The following FRMPD4 variants were observed in gnomAD, a reference collection of about 807,000 sequenced individuals.
FRMPD4 encodes the protein FERM and PDZ domain-containing protein 4.
In FRMPD4, 22 loss-of-function variants were observed where a neutral mutation model predicts 94.1. The observed-to-expected ratio is 0.23, with a 90% CI of 0.17 to 0.33. The LOEUF (loss-of-function observed/expected upper bound fraction) is 0.33, where lower values mean the gene tolerates loss of function less well. Ranked by LOEUF, FRMPD4 falls within the 10% of genes least tolerant of loss-of-function variation. The probability of loss-of-function intolerance (pLI) is 1.00; values close to 1 mark genes in which losing one functional copy is unlikely to be tolerated. For missense variants in FRMPD4, 1,111 were observed against 1,339.9 expected, an observed-to-expected ratio of 0.83 and a Z score of 2.67; for synonymous variants, 631 against 548.6, an observed-to-expected ratio of 1.15 and a Z score of -2.10.
chrX:12,577,786 G>C (rs988514549), intron 2 of FRMPD4, among the ~76,000 whole-genome samples: 49 of 112,311 alleles, frequency 4.4e-4, no homozygotes, highest in African/African-American at 1.5e-3. Flanking sequence ...CCATTGAAAA[G>C]AAAGTTCTAC....
At chrX:12,267,289 A>T (rs760280629) in intron 1 of FRMPD4, among the ~76,000 whole-genome samples, 3 of 112,213 alleles carry the variant, frequency 2.7e-5, no homozygotes, top group Non-Finnish European at 5.6e-5. Context: ...CTTCAAAAGC[A>T]CCTTGTCATT....
Position 11,903,230 on chromosome X carries a change from G to A in FRMPD4, c.95+25212G>A, listed in dbSNP as rs1355050698. Among the ~76,000 whole-genome samples the A allele has an allele frequency of 2.7e-5, 3 of 112,374 alleles. No homozygotes were observed. The East Asian group carries it at 8.3e-4, about 31-fold the overall frequency. On this transcript the variant is annotated intron_variant, in intron 3 of 18. Transcript: ENST00000640291. The stretch of plus-strand genomic sequence containing the variant: ...GTATGTGTTTTTGTGTCAGTATTGA[G>A]CATAGGCTTTAACCCCCAAATGGAA...
At chrX:12,320,684 A>T (rs1372432792) in intron 1 of FRMPD4, among the ~76,000 whole-genome samples, 1 of 111,587 alleles carries the variant, frequency 9.0e-6, no homozygotes, top group Non-Finnish European at 1.9e-5. Flanking sequence ...GGGGCAGGTG[A>T]TAATCAGCAT....
At chrX:11,979,559 T>C (rs1026352593) in intron 3 of FRMPD4, among the ~76,000 whole-genome samples, 4 of 112,304 alleles carry the variant, frequency 3.6e-5, no homozygotes, top group Non-Finnish European at 7.5e-5. Context: ...TTTTTAATTG[T>C]TGCCAATTTA....
intron 1 of FRMPD4, among the ~76,000 whole-genome samples, chrX:12,145,786 A>T (rs762992047): frequency 5.0e-4 from 56 of 111,561 alleles, no homozygotes; most frequent in Non-Finnish European, 9.6e-4. Context: ...CCAGTACTCA[A>T]ATTTCCCTTT....
rs779205450 is a variant in FRMPD4 at position 12,184,257 on chromosome X, G to T, written c.41+45245G>T. Among the ~76,000 whole-genome samples, 5 of 111,107 alleles carry T rather than the reference G, an allele frequency of 4.5e-5. No homozygotes were observed. In the East Asian group the frequency reaches 1.1e-3, roughly 25 times the overall value. ...AATCCTGAACGCCAAACAAATGCATGCATGGAGGAAGCCTTTTGAGAAATA... is the reference window on the plus strand; with the variant it reads ...AATCCTGAACGCCAAACAAATGCATTCATGGAGGAAGCCTTTTGAGAAATA... On this transcript the variant is annotated intron_variant, in intron 1 of 16. Transcript: ENST00000675598.
intron 1 of FRMPD4, among the ~76,000 whole-genome samples, chrX:12,333,237 C>A (rs969840489): frequency 1.8e-5 from 2 of 111,822 alleles, no homozygotes; most frequent in East Asian, 5.6e-4. Context: ...TTATTATGGA[C>A]AGGCAATTAT....
intron 3 of FRMPD4, among the ~76,000 whole-genome samples, chrX:12,036,400 C>A (rs1458295662): frequency 9.0e-6 from 1 of 111,132 alleles, no homozygotes; most frequent in East Asian, 2.8e-4. Flanking sequence ...ATCAGAAAAA[C>A]AAAATTGTTA....
intron 3 of FRMPD4, among the ~76,000 whole-genome samples, chrX:12,073,805 A>G (rs1892040787): frequency 8.9e-6 from 1 of 112,423 alleles, no homozygotes; most frequent in African/African-American, 3.2e-5. Flanking sequence ...CCTGGGCTCA[A>G]ACGATCCTCA....
rs370234603 is a variant in FRMPD4, at chrX:12,084,177, T to TGGGG, written c.95+206167_95+206170dup. On this transcript the variant is annotated intron_variant, in intron 3 of 18. Transcript: ENST00000640291. The stretch of plus-strand genomic sequence containing the variant: ...CTCATGTGTTATGGGAGGGACCCAG[T>TGGGG]GGGGGGGGGGGTAATTGAATCATGG... Among the ~76,000 whole-genome samples, 43 of 53,864 alleles carry TGGGG rather than the reference T, an allele frequency of 8.0e-4. 1 individual carries two copies. In the East Asian group the frequency reaches 0.018, roughly 22 times the overall value. 46.8% of individuals were successfully genotyped at this position (53,864 alleles called of 115,157 possible).
intron 3 of FRMPD4, among the ~76,000 whole-genome samples, chrX:11,889,057 T>A (rs1304645170): frequency 8.9e-6 from 1 of 112,736 alleles, no homozygotes; most frequent in African/African-American, 3.2e-5. Flanking sequence ...CTTCTAGGCA[T>A]CTGTAGAATT....
intron 3 of FRMPD4, among the ~76,000 whole-genome samples, chrX:12,021,981 G>A (rs2054634214): frequency 8.9e-6 from 1 of 111,974 alleles, no homozygotes; most frequent in African/African-American, 3.2e-5. Context: ...GCTCTGCTGT[G>A]TCACCATGGG....
intron 3 of FRMPD4, among the ~76,000 whole-genome samples, chrX:12,095,500 G>A (rs1380317234): frequency 9.0e-6 from 1 of 111,724 alleles, no homozygotes; most frequent in African/African-American, 3.3e-5. Flanking sequence ...TATGTCTGTG[G>A]CTGTTTTATT....
At chrX:11,924,822 G>C (rs1192660363) in intron 3 of FRMPD4, among the ~76,000 whole-genome samples, 1 of 111,831 alleles carries the variant, frequency 8.9e-6, no homozygotes, top group African/African-American at 3.3e-5. Context: ...ACACAGACCA[G>C]TGACACCACA....
At chrX:12,541,713 A>G (rs2058415532) in intron 2 of FRMPD4, among the ~76,000 whole-genome samples, 1 of 112,253 alleles carries the variant, frequency 8.9e-6, no homozygotes, top group Non-Finnish European at 1.9e-5. Context: ...CAATAGAGAA[A>G]GAGGGAATCC....
intron 3 of FRMPD4, among the ~76,000 whole-genome samples, chrX:11,916,690 C>A (rs752551587): frequency 9.0e-6 from 1 of 111,525 alleles, no homozygotes; most frequent in Non-Finnish European, 1.9e-5. Context: ...GCAGCGGCCC[C>A]CAGTCATCAG....
intron 1 of FRMPD4, among the ~76,000 whole-genome samples, chrX:12,424,156 C>A (rs1443594125): frequency 8.9e-6 from 1 of 111,930 alleles, no homozygotes; most frequent in African/African-American, 3.2e-5. Flanking sequence ...GTATGGTTAC[C>A]GGTCATAGAG....
intron 2 of FRMPD4, among the ~76,000 whole-genome samples, chrX:12,594,639 G>A (rs925027089): frequency 4.5e-5 from 5 of 110,033 alleles, no homozygotes; most frequent in Admixed American, 1.9e-4. Context: ...GTTTCACCGC[G>A]TTAGCCAGGA....
intron 3 of FRMPD4, among the ~76,000 whole-genome samples, chrX:11,997,520 G>C (rs2054502946): frequency 9.0e-6 from 1 of 111,132 alleles, no homozygotes; most frequent in East Asian, 2.8e-4. Context: ...GGGCTGGCCA[G>C]GGTGGCTTTG....
Sources: gnomAD v4.1 joint callset for allele counts (sites outside exome capture counted in the v4.1 genomes callset) on GRCh38, gnomAD v4.1.1 for gene constraint, MANE v1.5 for transcripts, NCBI Gene and HGNC (gene_info 2026-07-23, HGNC 2026-07-21) for gene names.